AGBL4: variants seen among roughly 807,000 people sequenced by gnomAD.
The protein encoded by AGBL4 is AGBL carboxypeptidase 4.
AGBL4 carries 58 observed loss-of-function variants against 66.4 expected under a neutral mutation model. The ratio of observed to expected loss-of-function variants is 0.87; its 90% confidence interval spans 0.71 to 1.09. The LOEUF is 1.09. Among genes scored for constraint, AGBL4 ranks in the 50% least tolerant of loss-of-function variants. The pLI is 0.00. For missense variants in AGBL4, 579 were observed against 631.0 expected (o/e 0.92, Z 0.88); for synonymous variants, 234 against 222.9 (o/e 1.05, Z -0.44).
At chr1:48,574,538 T>C in intron 11 of AGBL4, among the ~76,000 whole-genome samples, 1 of 142,478 alleles carries the variant, frequency 7.0e-6, no homozygotes, top group East Asian at 2.0e-4. Context: ...TTTTCTTTTC[T>C]TTTTTTTTTT....
intron 6 of AGBL4, among the ~76,000 whole-genome samples, chr1:48,773,675 C>G: frequency 1.3e-5 from 2 of 152,284 alleles, no homozygotes; most frequent in Admixed American, 1.3e-4. Context: ...ATGGGAACAT[C>G]GGCTACTTTA....
chr1:49,697,234 ATTTTGAT>A (rs1281902796), intron 3 of AGBL4, 72 bp downstream of exon 3: 1 of 1,408,096 alleles, frequency 7.1e-7, no homozygotes, highest in African/African-American at 1.4e-5. Flanking sequence ...TATAGTCATT[ATTTTGAT>A]ATTTCTAAAA....
intron 5 of AGBL4, among the ~76,000 whole-genome samples, chr1:48,954,769 C>T (rs1657296134): frequency 6.6e-6 from 1 of 152,102 alleles, no homozygotes; most frequent in Non-Finnish European, 1.5e-5. Context: ...CCATTTCTTC[C>T]CTCCCCTTCT....
chr1:49,914,693 TC>T (rs1414470809), intron 1 of AGBL4, among the ~76,000 whole-genome samples: 1 of 152,198 alleles, frequency 6.6e-6, no homozygotes, highest in African/African-American at 2.4e-5. Flanking sequence ...AGCCTGAGAT[TC>T]CTGTACCAAT....
At chr1:49,642,734 G>A (rs867275267) in intron 3 of AGBL4, among the ~76,000 whole-genome samples, 2 of 152,074 alleles carry the variant, frequency 1.3e-5, no homozygotes, top group African/African-American at 4.8e-5. Context: ...ACTCAGAACA[G>A]TTTTGCATCA....
At chr1:48,548,369 C>T (rs1644197844) in intron 11 of AGBL4, among the ~76,000 whole-genome samples, 1 of 152,142 alleles carries the variant, frequency 6.6e-6, no homozygotes, top group Non-Finnish European at 1.5e-5. Context: ...ATCTGAAACA[C>T]AGCCCTGACC....
intron 3 of AGBL4, among the ~76,000 whole-genome samples, chr1:49,513,423 C>T (rs1649459207): frequency 6.6e-6 from 1 of 151,934 alleles, no homozygotes; most frequent in Non-Finnish European, 1.5e-5. Context: ...CCACTCCCTC[C>T]ACCCTCTAGG....
intron 4 of AGBL4, among the ~76,000 whole-genome samples, chr1:49,195,745 T>C (rs931733833): frequency 2.0e-5 from 3 of 152,162 alleles, no homozygotes; most frequent in Non-Finnish European, 4.4e-5. Context: ...CTAAATAAGC[T>C]TTCTAAACTT....
intron 4 of AGBL4, among the ~76,000 whole-genome samples, chr1:49,112,929 C>G (rs1306691178): frequency 6.6e-6 from 1 of 151,966 alleles, no homozygotes; most frequent in Non-Finnish European, 1.5e-5. Context: ...GACCTTCTCT[C>G]ATGAATCACA....
chr1:48,974,996 G>T (rs1344938984), intron 5 of AGBL4, among the ~76,000 whole-genome samples: 1 of 151,930 alleles, frequency 6.6e-6, no homozygotes, highest in Non-Finnish European at 1.5e-5. Flanking sequence ...CATCCCAATG[G>T]TACACTATGT....
At chr1:49,647,591 G>T (rs145412274) in intron 3 of AGBL4, among the ~76,000 whole-genome samples, 1 of 152,224 alleles carries the variant, frequency 6.6e-6, no homozygotes, top group African/African-American at 2.4e-5. Flanking sequence ...GAATACTGGA[G>T]AAAGATCCTC....
chr1:49,448,193 A>G (rs960281896), intron 3 of AGBL4, among the ~76,000 whole-genome samples: 1 of 152,228 alleles, frequency 6.6e-6, no homozygotes, highest in African/African-American at 2.4e-5. Context: ...TGCATATGAC[A>G]GAAAGCCAAC....
At chr1:48,559,950 G>A (rs559187346) in intron 11 of AGBL4, among the ~76,000 whole-genome samples, 6 of 152,240 alleles carry the variant, frequency 3.9e-5, no homozygotes, top group African/African-American at 1.4e-4. Flanking sequence ...GATGGAGCCT[G>A]TGTCTGTGCT....
intron 2 of AGBL4, among the ~76,000 whole-genome samples, chr1:49,775,909 C>T (rs1441984568): frequency 1.3e-5 from 2 of 151,954 alleles, no homozygotes; most frequent in Non-Finnish European, 2.9e-5. Flanking sequence ...GATCTGGGTT[C>T]AAATCACAAT....
chr1:48,692,031 T>C lies in AGBL4; in HGVS notation c.635-28790A>G, dbSNP rs372964865. Among the ~76,000 whole-genome samples the C allele has an allele frequency of 7.9e-5, 12 of 152,296 alleles. No homozygotes were observed. The East Asian group carries it at 1.5e-3, about 20-fold the overall frequency. ...CTTGTCATATCAGAATCCACACCAT[T>C]TTTTTCTCTTCCATGCAATTCTACT... On this transcript the variant is annotated intron_variant, in intron 6 of 13. Transcript: ENST00000371839.
intron 1 of AGBL4, among the ~76,000 whole-genome samples, chr1:49,891,994 G>T (rs945535131): frequency 6.6e-6 from 1 of 152,042 alleles, no homozygotes; most frequent in African/African-American, 2.4e-5. Flanking sequence ...GAGGCAGCAG[G>T]GTAAACTGGA....
intron 3 of AGBL4, among the ~76,000 whole-genome samples, chr1:49,583,359 C>A (rs1208615135): frequency 2.0e-5 from 3 of 152,168 alleles, no homozygotes; most frequent in Non-Finnish European, 4.4e-5. Context: ...CTTCATCTGG[C>A]TTTTCATCTG....
In AGBL4 at chr1:48,535,116, T is replaced by C. The variant is rs151284563; in HGVS notation, c.1365-200A>G. Among the ~76,000 whole-genome samples the C allele has an allele frequency of 6.8e-3, 1,028 of 152,010 alleles. 14 individuals carry two copies. The highest frequency in any genetic ancestry group is 0.024 in the African/African-American group (989 of 41,462). On this transcript the variant is annotated intron_variant, in intron 12 of 13. Coordinates refer to ENST00000371839, the MANE Select transcript of AGBL4 (RefSeq NM_032785.4). ...AGCTGGGGCAGCCATGGGGGGATAG[T>C]GGCAAGGGGATAAGTTGTGCAGAGG...
intron 3 of AGBL4, among the ~76,000 whole-genome samples, chr1:49,297,447 C>T (rs552782699): frequency 3.9e-5 from 6 of 152,294 alleles, no homozygotes; most frequent in Non-Finnish European, 8.8e-5. Flanking sequence ...ATGTAGAATA[C>T]GCCAGGGAAA....
Sources: allele counts gnomAD v4.1 joint callset (sites outside exome capture counted in the v4.1 genomes callset), GRCh38; gene constraint gnomAD v4.1.1; transcripts MANE v1.5; gene names NCBI Gene and HGNC (gene_info 2026-07-23, HGNC 2026-07-21).